The following BTNL9 variants were observed in gnomAD, a reference collection of about 807,000 sequenced individuals.
BTNL9 encodes butyrophilin-like protein 9.
A neutral mutation model predicts 45.8 loss-of-function variants in BTNL9; 45 were observed. The ratio of observed to expected loss-of-function variants is 0.98; its 90% CI spans 0.77 to 1.26. The LOEUF (loss-of-function observed/expected upper bound fraction) is 1.26, where lower values mean the gene tolerates loss of function less well. Among genes scored for constraint, BTNL9 ranks in the 50% most tolerant of loss-of-function variants. The probability of loss-of-function intolerance (pLI) is 0.00; values close to 1 mark genes in which losing one functional copy is unlikely to be tolerated. For missense variants in BTNL9, 784 were observed against 729.7 expected (o/e 1.07, Z -0.86); for synonymous variants, 346 against 330.8 (o/e 1.05, Z -0.50).
intron 2 of BTNL9, among the ~76,000 whole-genome samples, 171 bp downstream of exon 2, chr5:181,045,769 T>C (rs958368809): frequency 2.7e-5 from 4 of 150,500 alleles, no homozygotes; most frequent in Admixed American, 6.6e-5. Context: ...ACCCAGCCTG[T>C]AGTGATGTTC....
Position 181,053,254 on chromosome 5 carries a change from C to G in BTNL9, c.791C>G (p.Pro264Arg), listed in dbSNP as rs1296675632. ...AWKSAFVATL[P>R]LLLVLAALAL... ...AAGAGCGCGTTCGTCGCGACCCTGC[C>G]GCTGCTGTTGGTCCTCGCGGCGCTG... The change falls in exon 5 of 11, where the codon CCG (proline) becomes CGG (arginine). Residue 264 changes from proline to arginine, a missense_variant. Transcript: ENST00000327705. The surrounding 1 kb of genome is among the most constrained non-coding windows in gnomAD (Gnocchi z 6.5). 5.0e-6 allele frequency: 8 copies of G among 1,589,436 alleles called. No homozygotes were observed. Among genetic ancestry groups the G allele is most frequent in the Non-Finnish European group, 6.0e-6 (7 of 1,169,054 alleles).
At chr5:181,044,769 C>T (rs1760998481) in intron 1 of BTNL9, among the ~76,000 whole-genome samples, 1 of 152,140 alleles carries the variant, frequency 6.6e-6, no homozygotes, top group Non-Finnish European at 1.5e-5. Context: ...AGGTCTGGGC[C>T]TCCTGGGTCA....
intron 6 of BTNL9, 22 bp from the exon 7 acceptor site, chr5:181,054,216 CT>C (rs368154215): frequency 0.15 from 193,296 of 1,292,984 alleles, 136 homozygotes; most frequent in Non-Finnish European, 0.16. Flanking sequence ...TTTTCTTCAT[CT>C]TTTTTTTTTT....
intron 4 of BTNL9, among the ~76,000 whole-genome samples, chr5:181,052,141 T>C (rs1023651541): frequency 3.9e-5 from 6 of 152,220 alleles, no homozygotes; most frequent in African/African-American, 1.4e-4. Flanking sequence ...CCCAGTGTTT[T>C]TGTACCATAC....
intron 1 of BTNL9, among the ~76,000 whole-genome samples, chr5:181,040,793 TG>T (rs1284465915): frequency 6.6e-6 from 1 of 150,414 alleles, no homozygotes; most frequent in African/African-American, 2.4e-5. Flanking sequence ...GAGCACTAGC[TG>T]GGGTCTGCCG....
In BTNL9 at chr5:181,054,237, A is replaced by G. The variant is rs1259362907; in HGVS notation, c.887-2A>G. ...TCATCTTTTTTTTTTTTTTTTCTCT[A>G]GAGAAACTCACTGCAGAGCTGGGTA... On this transcript the variant is annotated splice_acceptor_variant, in intron 6 of 10. Coordinates refer to ENST00000327705, the MANE Select transcript of BTNL9 (RefSeq NM_152547.5). LOFTEE classifies it high-confidence loss of function. The G allele has an allele frequency of 1.3e-6, 2 of 1,594,830 alleles. No individual in the cohort carries two copies. Among genetic ancestry groups the G allele is most frequent in the Non-Finnish European group, 1.7e-6 (2 of 1,174,304 alleles).
Position 181,053,394 on chromosome 5 carries a change from G to A in BTNL9, c.854-75G>A. 4.6e-6 allele frequency: 7 copies of A among 1,531,526 alleles called. No homozygotes were observed. The African/African-American group carries it at 5.5e-5, about 12-fold the overall frequency. 94.9% of individuals were successfully genotyped at this position (1,531,526 alleles called of 1,614,324 possible). A position where few individuals can be genotyped will look rare whatever the true frequency, so the allele number is the denominator to read the frequency against. ...GGGGCCGCGGAGGCGCCTCCCCCCA[G>A]GACGCGGCGCGGGAAGGCGGCCTGG... On this transcript the variant is annotated intron_variant, in intron 5 of 10. Coordinates refer to ENST00000327705, the MANE Select transcript of BTNL9 (RefSeq NM_152547.5). This position sits in a 1 kb window ranked among gnomAD's most constrained non-coding sequence, Gnocchi z 6.5.
chr5:181,053,398 G>A lies in BTNL9; in HGVS notation c.854-71G>A, dbSNP rs1761686358. Reference sequence around the variant, plus strand: ...CCGCGGAGGCGCCTCCCCCCAGGACGCGGCGCGGGAAGGCGGCCTGGAAGG... The same window carrying A: ...CCGCGGAGGCGCCTCCCCCCAGGACACGGCGCGGGAAGGCGGCCTGGAAGG... On this transcript the variant is annotated intron_variant, in intron 5 of 10. Coordinates refer to ENST00000327705, the MANE Select transcript of BTNL9 (RefSeq NM_152547.5). This position sits in a 1 kb window ranked among gnomAD's most constrained non-coding sequence, Gnocchi z 6.5. 6.5e-7 allele frequency: 1 copy of A among 1,532,320 alleles called. No homozygotes were observed. Among genetic ancestry groups the A allele is most frequent in the African/African-American group, 1.4e-5 (1 of 72,472 alleles). 94.9% of individuals were successfully genotyped at this position (1,532,320 alleles called of 1,614,324 possible). A position where few individuals can be genotyped will look rare whatever the true frequency, so the allele number is the denominator to read the frequency against.
chr5:181,054,267 C>G lies in BTNL9; in HGVS notation c.907+8C>G, dbSNP rs368105479. ...AACTCACTGCAGAGCTGGGTAAGTT[C>G]TGGGTGCGGGGCCACAGTGCTGCCT... On this transcript the variant is annotated splice_region_variant and intron_variant, in intron 7 of 10. Coordinates refer to ENST00000327705, the MANE Select transcript of BTNL9 (RefSeq NM_152547.5). The G allele has an allele frequency of 7.5e-6, 12 of 1,601,822 alleles. No individual in the cohort carries two copies. In the South Asian group the frequency reaches 8.8e-5, roughly 12 times the overall value.
At position 181,052,594 on chromosome 5, in the gene BTNL9, G is replaced by A. The variant is rs375753077; in HGVS notation, c.737-606G>A. Among the ~76,000 whole-genome samples the A allele has an allele frequency of 8.5e-5, 13 of 152,288 alleles. No homozygotes were observed. In the East Asian group the frequency reaches 2.1e-3, roughly 25 times the overall value. ...AAGTTACTCTATTCAACCGCCACAG[G>A]GTTTGCGAAGGGCCGGTGGGTTCTG... On this transcript the variant is annotated intron_variant, in intron 4 of 10. Coordinates refer to ENST00000327705, the MANE Select transcript of BTNL9 (RefSeq NM_152547.5).
chr5:181,051,847 A>G (rs1245195659), intron 4 of BTNL9, among the ~76,000 whole-genome samples: 1 of 152,146 alleles, frequency 6.6e-6, no homozygotes, highest in Non-Finnish European at 1.5e-5. Flanking sequence ...TTATTATGAA[A>G]CAAGTTTATA....
At position 181,059,547 on chromosome 5, in the gene BTNL9, C is replaced by T. The variant is rs754599052; in HGVS notation, c.1293C>T (p.Phe431=). 28 of 1,609,572 alleles carry T rather than the reference C, an allele frequency of 1.7e-5. No homozygotes were observed. The highest frequency in any genetic ancestry group is 5.5e-5 in the South Asian group (5 of 90,934). The stretch of plus-strand genomic sequence containing the variant: ...GGCTGTGGAACGGCTGCGAGTACTT[C>T]GTCCTGGCCCCGCACCGCGTCGCGC... ...VLGLWNGCEY[F]VLAPHRVALT... The change falls in exon 11 of 11, where the codon TTC becomes TTT. Residue 431 remains phenylalanine, a synonymous_variant. Transcript: ENST00000327705.
chr5:181,051,593 G>A lies in BTNL9; in HGVS notation c.736+1224G>A, dbSNP rs931727222. On this transcript the variant is annotated intron_variant, in intron 4 of 10. Coordinates refer to ENST00000327705, the MANE Select transcript of BTNL9 (RefSeq NM_152547.5). ...TCTAGGGCATACAACTTGGAGCCACGCAGCTAAGCTAAACTCCCATGAGAC... is the reference window on the plus strand; with the variant it reads ...TCTAGGGCATACAACTTGGAGCCACACAGCTAAGCTAAACTCCCATGAGAC... Among the ~76,000 whole-genome samples, 9 of 152,272 alleles carry A rather than the reference G, an allele frequency of 5.9e-5. No homozygotes were observed. The East Asian group carries it at 7.7e-4, about 13-fold the overall frequency.
At position 181,059,703 on chromosome 5, in the gene BTNL9, T is replaced by C; in HGVS notation, c.1449T>C (p.Cys483=). 6.2e-7 allele frequency: 1 copy of C among 1,613,596 alleles called. No homozygotes were observed. The highest frequency in any genetic ancestry group is 8.5e-7 in the Non-Finnish European group (1 of 1,179,954). The stretch of plus-strand genomic sequence containing the variant: ...ACGACACCTTCTCGGGCGCGCTCTG[T>C]GCGTACTTCAGGCCCAGGGCCCACG... ...TFHDTFSGAL[C]AYFRPRAHDG... Residue 483 remains cysteine (C), a synonymous_variant, in exon 11 of 11, where the codon TGT becomes TGC. Transcript: ENST00000327705.
At chr5:181,043,486 T>G (rs1760916461) in intron 1 of BTNL9, 1 of 152,342 alleles carries the variant, frequency 6.6e-6, no homozygotes, top group Admixed American at 6.5e-5. Context: ...GTGCTCCTTC[T>G]GTGAGAAGGC....
intron 10 of BTNL9, among the ~76,000 whole-genome samples, 156 bp downstream of exon 10, chr5:181,058,534 CACG>C (rs890044510): frequency 1.3e-5 from 2 of 152,178 alleles, no homozygotes; most frequent in Non-Finnish European, 2.9e-5. Flanking sequence ...AAACACGCCA[CACG>C]ACACATATGC....
At chr5:181,045,405 G>C (rs74668793) in intron 1 of BTNL9, 62 bp from the exon 2 acceptor site, 2 of 853,684 alleles carry the variant, frequency 2.3e-6, no homozygotes, top group South Asian at 1.4e-5. Context: ...AGGTCTGATG[G>C]AGTGAGTTCC....
rs1461534003 is a variant in BTNL9, at chr5:181,055,629, C to T, written c.928+176C>T. On this transcript the variant is annotated intron_variant, in intron 8 of 10. Transcript: ENST00000327705. This position sits in a 1 kb window ranked among gnomAD's most constrained non-coding sequence, Gnocchi z 4.4. ...CTAAAAATACAAAAAATTAGCCCGGCGTGGCGGCATGTGCCTGTAGTCCCA... is the reference window on the plus strand; with the variant it reads ...CTAAAAATACAAAAAATTAGCCCGGTGTGGCGGCATGTGCCTGTAGTCCCA... 1.3e-5 allele frequency: 10 copies of T among 777,206 alleles called. No homozygotes were observed. Among genetic ancestry groups the T allele is most frequent in the Admixed American group, 2.3e-5 (1 of 44,290 alleles). The allele number at this position is 777,206 out of a possible 1,614,324, so 48.1% of individuals were successfully genotyped here. A position where few individuals can be genotyped will look rare whatever the true frequency, so the allele number is the denominator to read the frequency against.
At chr5:181,045,655 G>A in intron 2 of BTNL9, 57 bp downstream of exon 2, 2 of 1,337,672 alleles carry the variant, frequency 1.5e-6, no homozygotes, top group Non-Finnish European at 2.1e-6. Flanking sequence ...CCTGCCAGGT[G>A]CTCCCCAGGG....
Sources: allele counts gnomAD v4.1 joint callset (sites outside exome capture counted in the v4.1 genomes callset), GRCh38; gene constraint gnomAD v4.1.1; non-coding constraint Gnocchi (gnomAD v3.1); transcripts MANE v1.5; gene names NCBI Gene and HGNC (gene_info 2026-07-23, HGNC 2026-07-21).